MYO1B: variants seen among roughly 807,000 people sequenced by gnomAD.
MYO1B encodes the protein myosin IB, also known as unconventional myosin-Ib.
A neutral mutation model predicts 159.7 loss-of-function variants in MYO1B; 72 were observed. The observed-to-expected ratio is 0.45, with a 90% CI of 0.37 to 0.55. The LOEUF is 0.55. MYO1B is among the 20% of genes least tolerant of loss of function. The pLI, the probability that MYO1B is intolerant of heterozygous loss-of-function variation, is 0.00. For missense variants in MYO1B, 1,062 were observed against 1,364.8 expected, an observed-to-expected ratio of 0.78 and a Z score of 3.50; for synonymous variants, 468 against 473.8, an observed-to-expected ratio of 0.99 and a Z score of 0.16.
chr2:191,268,593 C>T (rs1019904843), intron 1 of MYO1B, among the ~76,000 whole-genome samples: 56 of 152,278 alleles, frequency 3.7e-4, no homozygotes, highest in African/African-American at 1.3e-3. Context: ...TGGAACCTCT[C>T]GAGGGCCTAC....
In MYO1B at chr2:191,276,951, A is replaced by G; in HGVS notation, c.56A>G (p.Asp19Gly). Residue 19 changes from aspartate (D) to glycine (G), a missense_variant, in exon 2 of 31, where the codon GAT (aspartate) becomes GGT (glycine). Around this residue, in one of 5 missense-constraint regions of MYO1B, gnomAD observed 415 missense variants for 544.0 expected, o/e 0.76. Transcript: ENST00000392318. ...CTGGACAATATGATTGGAGTTGGGG[A>G]TATGGTTCTTTTAGAACCTCTCAAT... is the stretch of plus-strand genomic sequence containing the variant. The part of the protein sequence containing the change: ...SLLDNMIGVG[D>G]MVLLEPLNEE... 6.2e-7 allele frequency: 1 copy of G among 1,614,082 alleles called. No individual in the cohort carries two copies. The highest frequency in any genetic ancestry group is 8.5e-7 in the Non-Finnish European group (1 of 1,179,982).
intron 1 of MYO1B, among the ~76,000 whole-genome samples, chr2:191,251,089 C>G (rs1686083854): frequency 6.6e-6 from 1 of 152,192 alleles, no homozygotes; most frequent in Non-Finnish European, 1.5e-5. Context: ...CTTCCCAGTC[C>G]TGCGTCATTC....
At chr2:191,356,728 T>G (rs535302466) in intron 7 of MYO1B, among the ~76,000 whole-genome samples, 23 of 152,244 alleles carry the variant, frequency 1.5e-4, no homozygotes, top group Non-Finnish European at 3.1e-4. Context: ...TCATTAATTT[T>G]ATTTCAGGAT....
intron 24 of MYO1B, among the ~76,000 whole-genome samples, chr2:191,403,358 G>A (rs942525016): frequency 3.3e-5 from 5 of 152,162 alleles, no homozygotes; most frequent in African/African-American, 1.2e-4. Context: ...GTACACTTAT[G>A]TGTACAGAAC....
chr2:191,362,475 C>T, intron 9 of MYO1B, 104 bp downstream of exon 9: 1 of 727,726 alleles, frequency 1.4e-6, no homozygotes, highest in Non-Finnish European at 2.2e-6. Flanking sequence ...GCTCATTCTC[C>T]CTAAGGTTTT....
intron 1 of MYO1B, among the ~76,000 whole-genome samples, chr2:191,250,758 C>T (rs1213547443): frequency 1.3e-5 from 2 of 152,110 alleles, no homozygotes; most frequent in African/African-American, 4.8e-5. Flanking sequence ...GTCACTAGCC[C>T]AGAGGTCAAG....
At position 191,296,149 on chromosome 2, in the gene MYO1B, C is replaced by T. The variant is rs4853575; in HGVS notation, c.174C>T (p.Tyr58=). The T allele has an allele frequency of 0.57, 912,477 of 1,601,404 alleles. 263,655 individuals carry two copies. The highest frequency in any genetic ancestry group is 0.64 in the East Asian group (28,523 of 44,492). Residue 58 remains tyrosine, a synonymous_variant, in exon 3 of 31, where the codon TAC becomes TAT. Transcript: ENST00000392318. ...IGSVVISVNP[Y]RSLPIYSPEK... ...GTGTGGTTATATCTGTTAACCCATA[C>T]CGGTCTTTACCCATTTATTCACCAG...
chr2:191,257,484 G>C (rs1249673883), intron 1 of MYO1B, among the ~76,000 whole-genome samples: 4 of 152,140 alleles, frequency 2.6e-5, no homozygotes, highest in African/African-American at 7.2e-5. Flanking sequence ...TTTTTACAAA[G>C]AAACCATGCC....
chr2:191,272,907 C>T (rs1687540280), intron 1 of MYO1B, among the ~76,000 whole-genome samples: 2 of 152,168 alleles, frequency 1.3e-5, no homozygotes, highest in South Asian at 4.1e-4. Flanking sequence ...ATTTAGAACA[C>T]TTCACTTCCT....
At chr2:191,364,490 TAAG>T (rs1053431197) in intron 11 of MYO1B, among the ~76,000 whole-genome samples, 1 of 150,132 alleles carries the variant, frequency 6.7e-6, no homozygotes, top group Non-Finnish European at 1.5e-5. Flanking sequence ...TCAGTAGACA[TAAG>T]AAACAAGTGC....
chr2:191,407,306 T>C (rs1457813785), intron 24 of MYO1B, among the ~76,000 whole-genome samples: 1 of 152,222 alleles, frequency 6.6e-6, no homozygotes, highest in East Asian at 1.9e-4. Flanking sequence ...AAAAGATATG[T>C]AATATCTGAA....
At chr2:191,306,290 A>C (rs994954640) in intron 3 of MYO1B, among the ~76,000 whole-genome samples, 9 of 152,192 alleles carry the variant, frequency 5.9e-5, no homozygotes, top group Non-Finnish European at 8.8e-5. Context: ...AGGCAGAGGC[A>C]ACAGCAGATG....
chr2:191,329,756 G>A (rs1482524919), intron 3 of MYO1B, among the ~76,000 whole-genome samples, 179 bp from the exon 4 acceptor site: 8 of 151,440 alleles, frequency 5.3e-5, no homozygotes, highest in Admixed American at 1.3e-4. Flanking sequence ...AGAAGGTAAC[G>A]TGTCACAATG....
At chr2:191,248,604 A>G (rs1311679320) in intron 1 of MYO1B, among the ~76,000 whole-genome samples, 3 of 152,204 alleles carry the variant, frequency 2.0e-5, no homozygotes. Context: ...AGCCCCAGAA[A>G]ACATCACAAT....
intron 1 of MYO1B, among the ~76,000 whole-genome samples, chr2:191,254,975 C>T (rs533170358): frequency 9.2e-5 from 14 of 152,036 alleles, no homozygotes; most frequent in South Asian, 4.2e-4. Context: ...TTGCTCAGGC[C>T]GGAGTACAGT....
At chr2:191,257,561 C>A (rs1430885484) in intron 1 of MYO1B, among the ~76,000 whole-genome samples, 4 of 152,198 alleles carry the variant, frequency 2.6e-5, no homozygotes, top group African/African-American at 9.6e-5. Context: ...AACTTTCCAG[C>A]TTTTCTTTCA....
chr2:191,299,079 A>C (rs1395433984), intron 3 of MYO1B, among the ~76,000 whole-genome samples: 1 of 152,150 alleles, frequency 6.6e-6, no homozygotes, highest in Non-Finnish European at 1.5e-5. Flanking sequence ...GGGAATGTTT[A>C]GATATATAAT....
In MYO1B at chr2:191,368,100, A is replaced by AT. The variant is rs1469046580; in HGVS notation, c.1033-1441dup. 2.0e-5 allele frequency among the ~76,000 whole-genome samples: 3 copies of AT among 152,218 alleles called. No homozygotes were observed. In the South Asian group the frequency reaches 6.2e-4, roughly 32 times the overall value. ...AGGGAGGTTTGGGATTAGCATGGAA[A>AT]TGTCAGATGAAGGGAAAAGGTGTTA... On this transcript the variant is annotated intron_variant, in intron 11 of 30. Transcript: ENST00000392318.
At position 191,402,262 on chromosome 2, in the gene MYO1B, A is replaced by T. The variant is rs1696661013; in HGVS notation, c.2470-370A>T. ...GCTGTCAGCAAAGGGGAGTCTAATG[A>T]CATCATTAGGGCTGTTACTCAGAGT... is the stretch of plus-strand genomic sequence containing the variant. On this transcript the variant is annotated intron_variant, in intron 23 of 30. Coordinates refer to ENST00000392318, the MANE Select transcript of MYO1B (RefSeq NM_001130158.3). The T allele has an allele frequency of 1.2e-5, 3 of 243,994 alleles. No individual in the cohort carries two copies. The South Asian group carries it at 1.6e-4, about 13-fold the overall frequency. 15.1% of individuals were successfully genotyped at this position (243,994 alleles called of 1,614,324 possible).
Sources: gnomAD v4.1 joint callset for allele counts (sites outside exome capture counted in the v4.1 genomes callset) on GRCh38, gnomAD v4.1.1 for gene constraint, gnomAD v4.1.1 regional missense constraint, MANE v1.5 for transcripts, NCBI Gene and HGNC (gene_info 2026-07-23, HGNC 2026-07-21) for gene names.